The following PTPRD variants were observed in gnomAD, a reference collection of about 807,000 sequenced individuals.
PTPRD encodes receptor-type tyrosine-protein phosphatase delta.
A neutral mutation model predicts 214.5 loss-of-function variants in PTPRD; 34 were observed. That is an observed-to-expected ratio of 0.16 (90% CI 0.12 to 0.21). PTPRD has a LOEUF of 0.21. Among genes scored for constraint, PTPRD ranks in the 10% least tolerant of loss-of-function variants. The pLI, the probability that PTPRD is intolerant of heterozygous loss-of-function variation, is 1.00. For synonymous variants in PTPRD, 1,128 were observed against 845.7 expected (o/e 1.33, Z -5.79); for missense variants, 2,545 against 2,398.7 (o/e 1.06, Z -1.27).
chr9:10,481,550 T>C (rs151174248), intron 2 of PTPRD, among the ~76,000 whole-genome samples: 1 of 152,282 alleles, frequency 6.6e-6, no homozygotes, highest in African/African-American at 2.4e-5. Context: ...GATTTGTGTG[T>C]TATCAATGTC....
chr9:8,966,737 A>G (rs2099197694), intron 11 of PTPRD, among the ~76,000 whole-genome samples: 1 of 152,140 alleles, frequency 6.6e-6, no homozygotes, highest in South Asian at 2.1e-4. Context: ...CAATTGCAAC[A>G]AAACCAAAAC....
chr9:9,228,704 A>G (rs1212989112), intron 9 of PTPRD, among the ~76,000 whole-genome samples: 1 of 152,154 alleles, frequency 6.6e-6, no homozygotes, highest in African/African-American at 2.4e-5. Flanking sequence ...TAGAGTTACT[A>G]TGGAGATTAA....
At chr9:9,962,764 A>G (rs149222671) in intron 4 of PTPRD, among the ~76,000 whole-genome samples, 79 of 152,230 alleles carry the variant, frequency 5.2e-4, no homozygotes, top group African/African-American at 1.5e-3. Flanking sequence ...TACACATTCA[A>G]TAAGTTTCAT....
intron 8 of PTPRD, among the ~76,000 whole-genome samples, chr9:9,463,968 A>T (rs2093909353): frequency 6.6e-6 from 1 of 152,156 alleles, no homozygotes; most frequent in Admixed American, 6.6e-5. Context: ...CTGCATAACC[A>T]GCTACCTGCT....
intron 11 of PTPRD, among the ~76,000 whole-genome samples, chr9:8,747,443 A>T (rs7873999): frequency 0.071 from 10,792 of 152,200 alleles, 1,022 homozygotes; most frequent in African/African-American, 0.22. Flanking sequence ...CTGTACAGAA[A>T]CCTAAAGAGG....
At chr9:10,353,575 T>G (rs1478290865) in intron 2 of PTPRD, among the ~76,000 whole-genome samples, 1 of 151,952 alleles carries the variant, frequency 6.6e-6, no homozygotes, top group Admixed American at 6.6e-5. Context: ...GTAAAAATTT[T>G]CAGCAGAAGA....
chr9:9,293,992 T>C (rs2134253243), intron 9 of PTPRD, among the ~76,000 whole-genome samples: 1 of 151,754 alleles, frequency 6.6e-6, no homozygotes, highest in South Asian at 2.1e-4. Context: ...TTTGGGGTCA[T>C]TATTAAGTAA....
At chr9:9,556,613 G>A (rs80185710) in intron 8 of PTPRD, among the ~76,000 whole-genome samples, 25 of 152,238 alleles carry the variant, frequency 1.6e-4, no homozygotes, top group African/African-American at 5.8e-4. Context: ...TTTTCAGTAA[G>A]TTATTGTTGC....
intron 5 of PTPRD, among the ~76,000 whole-genome samples, chr9:9,887,901 T>C (rs1467581454): frequency 6.6e-6 from 1 of 152,018 alleles, no homozygotes; most frequent in East Asian, 1.9e-4. Context: ...CCAGTAAACA[T>C]GGGGGCTTAA....
At chr9:9,650,104 T>C (rs2154372080) in intron 7 of PTPRD, among the ~76,000 whole-genome samples, 1 of 152,176 alleles carries the variant, frequency 6.6e-6, no homozygotes, top group Admixed American at 6.5e-5. Flanking sequence ...CATGGGGCAG[T>C]TTCCCCCATG....
At chr9:8,470,117 G>A (rs764658917) in intron 31 of PTPRD, among the ~76,000 whole-genome samples, 1 of 152,086 alleles carries the variant, frequency 6.6e-6, no homozygotes, top group Non-Finnish European at 1.5e-5. Flanking sequence ...CCAAATGGGG[G>A]CGTTACGGTT....
At chr9:9,231,595 A>G (rs997563317) in intron 9 of PTPRD, among the ~76,000 whole-genome samples, 4 of 152,170 alleles carry the variant, frequency 2.6e-5, no homozygotes, top group African/African-American at 7.2e-5. Flanking sequence ...TCTGCACTAT[A>G]TATAATTAGG....
In PTPRD at chr9:8,713,668, C is replaced by A. The variant is rs559785522; in HGVS notation, c.64+20112G>T. The A allele has an allele frequency of 1.1e-5, 16 of 1,510,542 alleles. No homozygotes were observed. The Admixed American group carries it at 2.7e-4, about 25-fold the overall frequency. 93.6% of individuals were successfully genotyped at this position (1,510,542 alleles called of 1,614,324 possible). A position where few individuals can be genotyped will look rare whatever the true frequency, so the allele number is the denominator to read the frequency against. ...AGACATGGGCGCCCGGCACCGCGCC[C>A]GGGCCCACTCCATTCAGATCATGAT... is the stretch of plus-strand genomic sequence containing the variant. On this transcript the variant is annotated intron_variant, in intron 12 of 45. Transcript: ENST00000381196.
chr9:9,256,722 T>C (rs1307687217), intron 9 of PTPRD, among the ~76,000 whole-genome samples: 1 of 151,994 alleles, frequency 6.6e-6, no homozygotes, highest in Non-Finnish European at 1.5e-5. Flanking sequence ...TTACAAGATT[T>C]CCAAAATGGA....
intron 3 of PTPRD, among the ~76,000 whole-genome samples, chr9:10,127,636 C>T (rs1318044946): frequency 6.6e-6 from 1 of 151,904 alleles, no homozygotes; most frequent in Non-Finnish European, 1.5e-5. Flanking sequence ...GTTTCTTATC[C>T]TTCTACCATC....
At chr9:9,957,258 C>T (rs1286538284) in intron 4 of PTPRD, among the ~76,000 whole-genome samples, 3 of 152,058 alleles carry the variant, frequency 2.0e-5, no homozygotes, top group Non-Finnish European at 4.4e-5. Context: ...TAAGATATCT[C>T]ATAAATCCAA....
chr9:9,207,567 A>G (rs1170323990), intron 9 of PTPRD, among the ~76,000 whole-genome samples: 5 of 152,190 alleles, frequency 3.3e-5, no homozygotes, highest in African/African-American at 1.2e-4. Context: ...GTAAAAATCA[A>G]CTTTGTGGAA....
intron 10 of PTPRD, among the ~76,000 whole-genome samples, chr9:9,082,979 A>G (rs2099761478): frequency 6.6e-6 from 1 of 152,174 alleles, no homozygotes; most frequent in African/African-American, 2.4e-5. Context: ...ATACTGCCCA[A>G]AGTAATTTAT....
intron 9 of PTPRD, among the ~76,000 whole-genome samples, chr9:9,310,371 T>C (rs1286630348): frequency 6.6e-6 from 1 of 152,132 alleles, no homozygotes; most frequent in Non-Finnish European, 1.5e-5. Context: ...TGCAGACTAG[T>C]AGCATGTGGC....
Sources: allele counts gnomAD v4.1 joint callset (sites outside exome capture counted in the v4.1 genomes callset), GRCh38; gene constraint gnomAD v4.1.1; transcripts MANE v1.5; gene names NCBI Gene and HGNC (gene_info 2026-07-23, HGNC 2026-07-21).